CCNY: variants seen among roughly 807,000 people sequenced by gnomAD.
CCNY encodes cyclin Y.
A neutral mutation model predicts 42.8 loss-of-function variants in CCNY; 19 were observed. The observed-to-expected ratio is 0.44, with a 90% CI of 0.31 to 0.65. The LOEUF is 0.65. Ranked by LOEUF, CCNY falls within the 30% of genes least tolerant of loss-of-function variation. The pLI is 0.07. For synonymous variants in CCNY, 165 were observed against 162.7 expected (o/e 1.01, Z -0.11); for missense variants, 370 against 437.3 (o/e 0.85, Z 1.37).
chr10:35,484,605 G>A (rs1839744700), intron 2 of CCNY, among the ~76,000 whole-genome samples: 1 of 152,006 alleles, frequency 6.6e-6, no homozygotes, highest in Non-Finnish European at 1.5e-5. Context: ...TTTTTCCTCT[G>A]GTGAAGCAGG....
Position 35,324,002 on chromosome 10 carries a change from A to G in CCNY, c.-9+73376A>G, listed in dbSNP as rs965128044. On this transcript the variant is annotated intron_variant, in intron 3 of 11. Coordinates refer to the CCNY transcript ENST00000374706. ...ACCACTGCACTCCAGCCTGGGCTAC[A>G]GTGAGACTTTGCCTCAAAAAAAAAA... 4.0e-5 allele frequency among the ~76,000 whole-genome samples: 6 copies of G among 149,032 alleles called. 1 individual carries two copies. In the Admixed American group the frequency reaches 4.1e-4, roughly 10 times the overall value.
chr10:35,302,310 AT>A (rs145385043), intron 3 of CCNY, among the ~76,000 whole-genome samples: 1,535 of 120,742 alleles, frequency 0.013, 6 homozygotes, highest in African/African-American at 0.029. Flanking sequence ...TGACATCTTA[AT>A]TTTTTTTTTT....
rs112760907 is a variant in CCNY at position 35,343,000 on chromosome 10, CTTTTTTTTT to C, written c.154+5805_154+5813del. The stretch of plus-strand genomic sequence containing the variant: ...TAAGGACTTTTACTTTCCTGCCTGC[CTTTTTTTTT>C]TTTTTTTTTTTAAGACAGGGTTTTA... On this transcript the variant is annotated intron_variant, in intron 1 of 9. Coordinates refer to ENST00000374704, the MANE Select transcript of CCNY (RefSeq NM_145012.6). Among the ~76,000 whole-genome samples the C allele has an allele frequency of 3.9e-3, 502 of 128,344 alleles. 5 individuals carry two copies. The highest frequency in any genetic ancestry group is 0.013 in the African/African-American group (470 of 34,978). The allele number at this position is 128,344 out of a possible 152,430, so 84.2% of individuals were successfully genotyped here.
intron 1 of CCNY, chr10:35,449,651 C>T (rs1166253694): frequency 3.0e-5 from 12 of 403,234 alleles, no homozygotes; most frequent in Non-Finnish European, 2.3e-5. Flanking sequence ...GTGGGAGGGG[C>T]AGGGATCCAT....
intron 1 of CCNY, among the ~76,000 whole-genome samples, chr10:35,404,648 G>A (rs574612187): frequency 6.6e-6 from 1 of 152,236 alleles, no homozygotes; most frequent in African/African-American, 2.4e-5. Context: ...ATCCGTGATG[G>A]TCCAGGGGGC....
At chr10:35,393,028 G>C (rs762144176) in intron 1 of CCNY, among the ~76,000 whole-genome samples, 1 of 152,066 alleles carries the variant, frequency 6.6e-6, no homozygotes, top group Non-Finnish European at 1.5e-5. Context: ...TGTCTCCTGT[G>C]AGTTATTTTC....
intron 1 of CCNY, among the ~76,000 whole-genome samples, chr10:35,471,213 T>C (rs1264128218): frequency 2.6e-5 from 4 of 152,058 alleles, no homozygotes; most frequent in African/African-American, 9.7e-5. Flanking sequence ...ATTGGAGTGA[T>C]TATCAGTTTG....
chr10:35,542,464 T>G (rs1158680572), intron 7 of CCNY, among the ~76,000 whole-genome samples: 1 of 152,118 alleles, frequency 6.6e-6, no homozygotes, highest in Non-Finnish European at 1.5e-5. Context: ...TTCTGTACTG[T>G]GTATCCTTCG....
intron 1 of CCNY, among the ~76,000 whole-genome samples, chr10:35,479,708 T>C (rs1437548103): frequency 1.3e-5 from 2 of 151,442 alleles, no homozygotes; most frequent in African/African-American, 4.9e-5. Flanking sequence ...TGTTTACATA[T>C]GTAACTAACC....
At position 35,295,857 on chromosome 10, in the gene CCNY, T is replaced by C. The variant is rs989105774; in HGVS notation, c.-9+45231T>C. The stretch of plus-strand genomic sequence containing the variant: ...AGGCTGAATAATATTCCACTGTATA[T>C]ACAAACTACATTTTGTTTATCCATT... On this transcript the variant is annotated intron_variant, in intron 3 of 11. Transcript: ENST00000374706. Among the ~76,000 whole-genome samples, 5 of 152,340 alleles carry C rather than the reference T, an allele frequency of 3.3e-5. No individual in the cohort carries two copies. In the East Asian group the frequency reaches 9.6e-4, roughly 29 times the overall value.
At chr10:35,482,869 A>G (rs2135366543) in intron 1 of CCNY, among the ~76,000 whole-genome samples, 1 of 152,178 alleles carries the variant, frequency 6.6e-6, no homozygotes, top group South Asian at 2.1e-4. Context: ...GGGATCAAAC[A>G]AAACATGTCT....
At chr10:35,355,744 A>G (rs894985110) in intron 1 of CCNY, among the ~76,000 whole-genome samples, 40 of 149,964 alleles carry the variant, frequency 2.7e-4, no homozygotes, top group Admixed American at 1.7e-3. Context: ...TTCTATATTA[A>G]TTATTTAAAA....
At chr10:35,506,666 A>G (rs891794769) in intron 3 of CCNY, among the ~76,000 whole-genome samples, 16 of 152,174 alleles carry the variant, frequency 1.1e-4, no homozygotes, top group African/African-American at 3.9e-4. Flanking sequence ...CGACAGGTGG[A>G]ATTGCTTCCC....
intron 1 of CCNY, among the ~76,000 whole-genome samples, chr10:35,389,329 A>G (rs1028248701): frequency 6.6e-6 from 1 of 152,154 alleles, no homozygotes; most frequent in Admixed American, 6.5e-5. Flanking sequence ...TGGCATTACC[A>G]CAGCCCCTGG....
intron 1 of CCNY, among the ~76,000 whole-genome samples, chr10:35,403,910 C>G: frequency 6.6e-6 from 1 of 152,124 alleles, no homozygotes; most frequent in Non-Finnish European, 1.5e-5. Flanking sequence ...GGGTGAGGAA[C>G]AGGAAAGAAG....
chr10:35,408,033 G>A (rs2135241738), intron 1 of CCNY, among the ~76,000 whole-genome samples: 1 of 152,328 alleles, frequency 6.6e-6, no homozygotes, highest in Non-Finnish European at 1.5e-5. Context: ...ACCAGAAAAT[G>A]AAAGGAGTTG....
intron 8 of CCNY, among the ~76,000 whole-genome samples, chr10:35,562,616 G>A (rs1394418273): frequency 6.6e-6 from 1 of 152,140 alleles, no homozygotes; most frequent in South Asian, 2.1e-4. Context: ...AATGTCCTCA[G>A]GGTTGATCCA....
At chr10:35,565,999 G>A (rs778139996) in intron 8 of CCNY, 24 bp from the exon 9 acceptor site, 6 of 1,605,102 alleles carry the variant, frequency 3.7e-6, no homozygotes, top group Non-Finnish European at 3.4e-6. Context: ...CTAAGCATAG[G>A]CTATTTTTGT....
At chr10:35,440,504 G>T (rs187406161) in intron 1 of CCNY, among the ~76,000 whole-genome samples, 1 of 152,204 alleles carries the variant, frequency 6.6e-6, no homozygotes, top group Non-Finnish European at 1.5e-5. Context: ...GCCTGGCCTG[G>T]ATCTGCCTAC....
Sources: allele counts gnomAD v4.1 joint callset (sites outside exome capture counted in the v4.1 genomes callset), GRCh38; gene constraint gnomAD v4.1.1; transcripts MANE v1.5; gene names NCBI Gene and HGNC (gene_info 2026-07-23, HGNC 2026-07-21).